MGAT4C: variants seen among roughly 807,000 people sequenced by gnomAD.
The protein encoded by MGAT4C is alpha-1,3-mannosyl-glycoprotein 4-beta-N-acetylglucosaminyltransferase C.
MGAT4C carries 19 observed loss-of-function variants against 40.1 expected under a neutral mutation model. The ratio of observed to expected loss-of-function variants is 0.47; its 90% CI spans 0.33 to 0.70. The LOEUF (loss-of-function observed/expected upper bound fraction) is 0.70. Among genes scored for constraint, MGAT4C ranks in the 30% least tolerant of loss-of-function variants. The pLI is 0.02. For missense variants in MGAT4C, 491 were observed against 563.2 expected, an observed-to-expected ratio of 0.87 and a Z score of 1.30; for synonymous variants, 181 against 187.1, an observed-to-expected ratio of 0.97 and a Z score of 0.27.
At chr12:86,125,838 G>A (rs527732181) in intron 1 of MGAT4C, among the ~76,000 whole-genome samples, 1 of 151,972 alleles carries the variant, frequency 6.6e-6, no homozygotes, top group Non-Finnish European at 1.5e-5. Context: ...AGGAAGCAAT[G>A]AGTGACAGCT....
At chr12:86,013,258 G>A (rs1200145901) in intron 2 of MGAT4C, among the ~76,000 whole-genome samples, 2 of 152,140 alleles carry the variant, frequency 1.3e-5, no homozygotes, top group Non-Finnish European at 2.9e-5. Flanking sequence ...ACTGTACCAA[G>A]TAATTTTTTT....
chr12:86,195,196 C>G (rs924056918), intron 1 of MGAT4C, among the ~76,000 whole-genome samples: 4 of 152,204 alleles, frequency 2.6e-5, no homozygotes, highest in African/African-American at 9.6e-5. Flanking sequence ...AAAGGTGGCA[C>G]AGAAATTTGG....
intron 2 of MGAT4C, among the ~76,000 whole-genome samples, chr12:86,041,542 G>T (rs1891846129): frequency 6.6e-6 from 1 of 152,154 alleles, no homozygotes; most frequent in African/African-American, 2.4e-5. Context: ...AAGTTTCAAA[G>T]AATTTATTGA....
chr12:86,627,486 A>C (rs1230256313), intron 2 of MGAT4C, among the ~76,000 whole-genome samples: 2 of 534 alleles, frequency 3.7e-3, no homozygotes, highest in Non-Finnish European at 0.059. Flanking sequence ...CTGACACTTC[A>C]TACAGCTGGT....
intron 2 of MGAT4C, among the ~76,000 whole-genome samples, chr12:86,588,912 G>C (rs2136445310): frequency 6.6e-6 from 1 of 151,730 alleles, no homozygotes. Context: ...AGTGAGTAGA[G>C]GGAAATTTAT....
At chr12:86,193,435 A>G (rs1035951402) in intron 1 of MGAT4C, among the ~76,000 whole-genome samples, 1 of 151,820 alleles carries the variant, frequency 6.6e-6, no homozygotes, top group Non-Finnish European at 1.5e-5. Context: ...TTATATTGTC[A>G]TGCATTTTAA....
At chr12:86,482,089 C>CACAT (rs1260017151) in intron 2 of MGAT4C, among the ~76,000 whole-genome samples, 42 of 151,712 alleles carry the variant, frequency 2.8e-4, no homozygotes, top group African/African-American at 1.0e-3. Flanking sequence ...CACACACACA[C>CACAT]ACACACACAC....
At chr12:86,015,177 T>G (rs569700443) in intron 2 of MGAT4C, among the ~76,000 whole-genome samples, 6 of 151,722 alleles carry the variant, frequency 4.0e-5, no homozygotes, top group African/African-American at 1.5e-4. Context: ...TTTGTAATAG[T>G]AAGAATGGTT....
At chr12:86,704,260 T>C (rs574693041) in intron 2 of MGAT4C, among the ~76,000 whole-genome samples, 2 of 152,232 alleles carry the variant, frequency 1.3e-5, no homozygotes, top group Admixed American at 1.3e-4. Flanking sequence ...ACTCCTAATT[T>C]AAGCTATGGG....
intron 1 of MGAT4C, among the ~76,000 whole-genome samples, chr12:86,810,741 T>A (rs181744949): frequency 6.6e-6 from 1 of 152,068 alleles, no homozygotes; most frequent in Admixed American, 6.6e-5. Flanking sequence ...TATTTTGAGA[T>A]TCCTTATATA....
intron 2 of MGAT4C, among the ~76,000 whole-genome samples, chr12:86,677,803 C>T (rs918823660): frequency 3.9e-5 from 6 of 152,034 alleles, no homozygotes; most frequent in African/African-American, 1.4e-4. Context: ...AATACAAATG[C>T]AGTTATTAAT....
intron 2 of MGAT4C, among the ~76,000 whole-genome samples, chr12:86,021,079 CA>C (rs1262515371): frequency 1.3e-5 from 2 of 152,114 alleles, no homozygotes; most frequent in Non-Finnish European, 2.9e-5. Context: ...ATTAAAAAGT[CA>C]GGAAACAACA....
At chr12:86,202,287 T>C (rs879683645) in intron 1 of MGAT4C, among the ~76,000 whole-genome samples, 3 of 152,098 alleles carry the variant, frequency 2.0e-5, no homozygotes, top group Non-Finnish European at 4.4e-5. Context: ...GAAATTTTCA[T>C]TTATTCTCAT....
intron 3 of MGAT4C, among the ~76,000 whole-genome samples, chr12:86,363,255 T>C (rs1955522550): frequency 6.6e-6 from 1 of 152,128 alleles, no homozygotes; most frequent in Non-Finnish European, 1.5e-5. Flanking sequence ...ATAGGTCTCA[T>C]CTATGTTAAC....
intron 2 of MGAT4C, among the ~76,000 whole-genome samples, chr12:86,027,010 A>G (rs1340845728): frequency 4.6e-5 from 7 of 152,176 alleles, no homozygotes; most frequent in African/African-American, 1.7e-4. Context: ...ATTATTAACT[A>G]GTTCTCAGTA....
intron 2 of MGAT4C, among the ~76,000 whole-genome samples, chr12:86,535,361 A>G (rs954524989): frequency 6.6e-6 from 1 of 152,078 alleles, no homozygotes; most frequent in African/African-American, 2.4e-5. Context: ...TTTTTAAATG[A>G]AATTATTTCT....
At chr12:86,240,038 ATAAAAAAT>A (rs1253356866) in intron 1 of MGAT4C, among the ~76,000 whole-genome samples, 199 of 33,356 alleles carry the variant, frequency 6.0e-3, no homozygotes, top group African/African-American at 9.3e-3. Context: ...AAAAAAAAAA[ATAAAAAAT>A]AAAATAAAAT....
At chr12:86,226,223 C>T (rs1321624204) in intron 1 of MGAT4C, among the ~76,000 whole-genome samples, 3 of 151,664 alleles carry the variant, frequency 2.0e-5, no homozygotes, top group South Asian at 2.1e-4. Context: ...CACAGGGAAG[C>T]CTTCTTGGAA....
intron 2 of MGAT4C, among the ~76,000 whole-genome samples, chr12:86,637,809 C>T (rs1051880182): frequency 3.3e-5 from 5 of 151,908 alleles, no homozygotes; most frequent in African/African-American, 4.8e-5. Context: ...ATCATACCCA[C>T]GTTATCTACA....
Sources: gnomAD v4.1 joint callset for allele counts (sites outside exome capture counted in the v4.1 genomes callset) on GRCh38, gnomAD v4.1.1 for gene constraint, MANE v1.5 for transcripts, NCBI Gene and HGNC (gene_info 2026-07-23, HGNC 2026-07-21) for gene names.